The following RGS22 variants were observed in gnomAD, a reference collection of about 807,000 sequenced individuals.
The protein encoded by RGS22 is regulator of G protein signaling 22.
Under a neutral mutation model 172.9 loss-of-function variants are expected in RGS22, and 148 were observed. That is an observed-to-expected ratio of 0.86 (90% CI 0.75 to 0.98). RGS22 has a LOEUF of 0.98. Among genes scored for constraint, RGS22 ranks in the 50% least tolerant of loss-of-function variants. The probability of loss-of-function intolerance (pLI) is 0.00; values close to 1 mark genes in which losing one functional copy is unlikely to be tolerated. For missense variants in RGS22, 1,347 were observed against 1,440.8 expected (o/e 0.93, Z 1.05); for synonymous variants, 458 against 480.2 (o/e 0.95, Z 0.60).
Position 99,999,396 on chromosome 8 carries a change from C to G in RGS22, c.2815G>C (p.Gly939Arg), listed in dbSNP as rs756930204. The G allele has an allele frequency of 1.1e-5, 18 of 1,613,700 alleles. No homozygotes were observed. Among genetic ancestry groups the G allele is most frequent in the Non-Finnish European group, 1.4e-5 (17 of 1,179,834 alleles). The change falls in exon 19 of 28, where the codon GGG becomes CGG. Residue 939 changes from glycine (G) to arginine (R), a missense_variant. By Grantham distance (125) the Gly-to-Arg change is moderately radical (BLOSUM62 -2). Coordinates refer to ENST00000360863, the MANE Select transcript of RGS22 (RefSeq NM_015668.5). ...NQVMHLSGGW[G>R]KILHEQLDAP... Reference sequence around the variant, plus strand: ...TCAAGCTGCTCATGAAGAATCTTCCCCCAGCCACCACTTAAATGCATTACC... The same window carrying G: ...TCAAGCTGCTCATGAAGAATCTTCCGCCAGCCACCACTTAAATGCATTACC...
chr8:100,101,234 T>G (rs528367819), intron 2 of RGS22, among the ~76,000 whole-genome samples: 1 of 152,246 alleles, frequency 6.6e-6, no homozygotes, highest in East Asian at 1.9e-4. Context: ...TTTCTGAATG[T>G]GTACCTTACA....
chr8:99,980,070 G>A (rs887029324), intron 22 of RGS22, among the ~76,000 whole-genome samples: 3 of 152,110 alleles, frequency 2.0e-5, no homozygotes, highest in African/African-American at 4.8e-5. Context: ...TCATTCTGAG[G>A]GCAGTGGGAA....
chr8:100,072,198 G>GA lies in RGS22; in HGVS notation c.371dup (p.Lys125GlnfsTer12), dbSNP rs1294577367. 31 of 1,603,164 alleles carry GA rather than the reference G, an allele frequency of 1.9e-5. No homozygotes were observed. Among genetic ancestry groups the GA allele is most frequent in the Non-Finnish European group, 2.6e-5 (31 of 1,175,404 alleles). The stretch of plus-strand genomic sequence containing the variant: ...GAAATGCTGGAAGTCTTTCTTTTTT[G>GA]ATCCACTTAATACCTTCTTCACGAC... On this transcript the variant is annotated frameshift_variant, in exon 5 of 28. Coordinates refer to ENST00000360863, the MANE Select transcript of RGS22 (RefSeq NM_015668.5). LOFTEE classifies it high-confidence loss of function.
At chr8:100,018,823 T>C (rs1282312886) in intron 14 of RGS22, among the ~76,000 whole-genome samples, 1 of 152,230 alleles carries the variant, frequency 6.6e-6, no homozygotes. Flanking sequence ...AAGCATATTC[T>C]TGGATAGAAG....
At chr8:99,974,013 C>T (rs151044438) in intron 23 of RGS22, among the ~76,000 whole-genome samples, 1 of 152,052 alleles carries the variant, frequency 6.6e-6, no homozygotes, top group African/African-American at 2.4e-5. Context: ...TAAAAAAATG[C>T]ATATTAACAA....
At chr8:100,031,608 T>G (rs1043246084) in intron 14 of RGS22, among the ~76,000 whole-genome samples, 11 of 152,144 alleles carry the variant, frequency 7.2e-5, no homozygotes, top group African/African-American at 2.4e-4. Context: ...TGTTTAATAT[T>G]TTTGTTTCAT....
At chr8:100,027,824 T>C (rs2131510323) in intron 14 of RGS22, among the ~76,000 whole-genome samples, 1 of 152,250 alleles carries the variant, frequency 6.6e-6, no homozygotes, top group Non-Finnish European at 1.5e-5. Context: ...GTAGAACTGT[T>C]CCTCCACCCT....
At chr8:100,041,955 G>A (rs1053347060) in intron 11 of RGS22, 39 bp from the exon 12 acceptor site, 1 of 1,316,354 alleles carries the variant, frequency 7.6e-7, no homozygotes, top group South Asian at 1.2e-5. Context: ...ATAAGAATGA[G>A]AACTAACTGA....
intron 7 of RGS22, among the ~76,000 whole-genome samples, chr8:100,065,877 T>C (rs1208845970): frequency 6.6e-6 from 1 of 152,158 alleles, no homozygotes; most frequent in Non-Finnish European, 1.5e-5. Flanking sequence ...TTTCTATCCA[T>C]TTAGTATATA....
At chr8:100,098,416 G>C (rs1813150289) in intron 2 of RGS22, among the ~76,000 whole-genome samples, 1 of 152,190 alleles carries the variant, frequency 6.6e-6, no homozygotes, top group Non-Finnish European at 1.5e-5. Flanking sequence ...GGTGAGACAA[G>C]CTCCACAACA....
rs149919320 is a variant in RGS22, at chr8:99,964,326, C to T, written c.3615+1009G>A. Among the ~76,000 whole-genome samples, 463 of 151,932 alleles carry T rather than the reference C, an allele frequency of 3.0e-3. 4 individuals are homozygous for T. Among genetic ancestry groups the T allele is most frequent in the African/African-American group, 0.01 (427 of 41,438 alleles). On this transcript the variant is annotated intron_variant, in intron 24 of 27. Coordinates refer to ENST00000360863, the MANE Select transcript of RGS22 (RefSeq NM_015668.5). ...AAAATTAGCCAGGCATGGTGGTGTG[C>T]GCCTGTAGTCCCAGCTACTTGGGAG...
At position 100,071,481 on chromosome 8, in the gene RGS22, A is replaced by G; in HGVS notation, c.482T>C (p.Val161Ala). The change falls in exon 6 of 28, where the codon GTA (valine) becomes GCA (alanine). Residue 161 changes from valine to alanine, a missense_variant. Coordinates refer to ENST00000360863, the MANE Select transcript of RGS22 (RefSeq NM_015668.5). ...GATCCAGGGAGAAAAATTTGATCCT[A>G]CTGTGAAATTCATGCCGGACTTGCT... is the stretch of plus-strand genomic sequence containing the variant. Reference protein sequence around the residue: ...RWSKSGMNFTVGSNFSPWIVK... With the variant: ...RWSKSGMNFTAGSNFSPWIVK... 1.2e-6 allele frequency: 2 copies of G among 1,613,016 alleles called. No homozygotes were observed. Among genetic ancestry groups the G allele is most frequent in the Non-Finnish European group, 1.7e-6 (2 of 1,179,320 alleles).
chr8:100,105,117 G>A (rs985353504), intron 2 of RGS22, among the ~76,000 whole-genome samples: 4 of 152,176 alleles, frequency 2.6e-5, no homozygotes, highest in South Asian at 2.1e-4. Context: ...AGAGTTTAGA[G>A]AAATTAAATG....
At chr8:99,969,528 G>T (rs149211213) in intron 23 of RGS22, among the ~76,000 whole-genome samples, 336 of 152,034 alleles carry the variant, frequency 2.2e-3, no homozygotes, top group African/African-American at 7.6e-3. Flanking sequence ...TAAACAAATG[G>T]AGGAATATTT....
chr8:100,047,672 T>G, intron 10 of RGS22, 76 bp from the exon 11 acceptor site: 17 of 1,274,764 alleles, frequency 1.3e-5, no homozygotes, highest in Non-Finnish European at 1.7e-5. Flanking sequence ...CTCAAATTTG[T>G]TCTCATCACT....
In RGS22 at chr8:100,041,907, G is replaced by A. The variant is rs1281124201; in HGVS notation, c.1833C>T (p.Tyr611=). ...KDDVIEKGSK[Y]MSESSKVIHL... ...GAATGACTTTGCTGCTTTCTGACAT[G>A]TACTTTGACCTAAATTATAAGGATG... The change falls in exon 12 of 28, where the codon TAC becomes TAT. Residue 611 remains tyrosine, a synonymous_variant. Transcript: ENST00000360863. 6 of 1,602,882 alleles carry A rather than the reference G, an allele frequency of 3.7e-6. No homozygotes were observed. In the African/African-American group the frequency reaches 8.0e-5, roughly 21 times the overall value.
intron 3 of RGS22, among the ~76,000 whole-genome samples, chr8:100,089,328 T>C (rs1451839185): frequency 6.6e-6 from 1 of 152,092 alleles, no homozygotes; most frequent in African/African-American, 2.4e-5. Context: ...AGAAAACAAA[T>C]TCTAAAGTTC....
chr8:100,049,237 T>C (rs1201925446), intron 10 of RGS22, among the ~76,000 whole-genome samples: 1 of 152,212 alleles, frequency 6.6e-6, no homozygotes, highest in Non-Finnish European at 1.5e-5. Flanking sequence ...ATACACAATG[T>C]ATACTTTTGT....
chr8:99,961,469 TC>T (rs1261760383), intron 27 of RGS22, among the ~76,000 whole-genome samples: 1 of 152,148 alleles, frequency 6.6e-6, no homozygotes, highest in Non-Finnish European at 1.5e-5. Context: ...AAGGGGCTTT[TC>T]CCCCTTTTGC....
Sources: gnomAD v4.1 joint callset for allele counts (sites outside exome capture counted in the v4.1 genomes callset) on GRCh38, gnomAD v4.1.1 for gene constraint, MANE v1.5 for transcripts, NCBI Gene and HGNC (gene_info 2026-07-23, HGNC 2026-07-21) for gene names.